The following DCC variants were observed in gnomAD, a reference collection of about 807,000 sequenced individuals.
The protein encoded by DCC is DCC netrin 1 receptor, also known as netrin receptor DCC.
Under a neutral mutation model 172.5 loss-of-function variants are expected in DCC, and 58 were observed. The observed-to-expected ratio is 0.34, with a 90% CI of 0.27 to 0.42. The LOEUF (loss-of-function observed/expected upper bound fraction) is 0.42. Among genes scored for constraint, DCC ranks in the 10% least tolerant of loss-of-function variants. The probability of loss-of-function intolerance (pLI) is 1.00; values close to 1 mark genes in which losing one functional copy is unlikely to be tolerated. For missense variants in DCC, 1,740 were observed against 1,791.0 expected, an observed-to-expected ratio of 0.97 and a Z score of 0.51; for synonymous variants, 709 against 644.5, an observed-to-expected ratio of 1.10 and a Z score of -1.52.
At chr18:52,582,659 A>G (rs1348342136) in intron 1 of DCC, among the ~76,000 whole-genome samples, 1 of 152,166 alleles carries the variant, frequency 6.6e-6, no homozygotes, top group Non-Finnish European at 1.5e-5. Flanking sequence ...TAGATAAAAG[A>G]TGACTAGGGA....
intron 21 of DCC, among the ~76,000 whole-genome samples, chr18:53,431,953 T>C (rs1355396921): frequency 6.6e-6 from 1 of 152,170 alleles, no homozygotes; most frequent in Admixed American, 6.6e-5. Context: ...TGAATTTCCA[T>C]AAATCCATTT....
intron 7 of DCC, among the ~76,000 whole-genome samples, chr18:53,092,749 C>A (rs993774871): frequency 6.6e-6 from 1 of 152,148 alleles, no homozygotes; most frequent in Non-Finnish European, 1.5e-5. Context: ...ACTTGTCCAT[C>A]TACCCTTGCT....
chr18:52,465,266 T>C (rs1415442154), intron 1 of DCC, among the ~76,000 whole-genome samples: 1 of 152,172 alleles, frequency 6.6e-6, no homozygotes, highest in African/African-American at 2.4e-5. Context: ...GGGCAATGTA[T>C]TCTCCAAAAG....
chr18:53,155,295 G>A (rs1288061128), intron 7 of DCC, among the ~76,000 whole-genome samples: 1 of 152,092 alleles, frequency 6.6e-6, no homozygotes, highest in Non-Finnish European at 1.5e-5. Context: ...CAAGAATGAA[G>A]ACTGACTTTG....
At chr18:53,022,964 A>G (rs2041902162) in intron 5 of DCC, among the ~76,000 whole-genome samples, 1 of 152,146 alleles carries the variant, frequency 6.6e-6, no homozygotes, top group Non-Finnish European at 1.5e-5. Context: ...GTAGGCAACG[A>G]AGGGAGTATT....
At chr18:53,279,583 C>CACATGTAT (rs1169111530) in intron 12 of DCC, among the ~76,000 whole-genome samples, 3 of 149,366 alleles carry the variant, frequency 2.0e-5, no homozygotes, top group Non-Finnish European at 4.4e-5. Flanking sequence ...ACCAACATGG[C>CACATGTAT]ACATGTATAC....
chr18:53,132,533 A>G (rs1010567080), intron 7 of DCC, among the ~76,000 whole-genome samples: 1 of 152,146 alleles, frequency 6.6e-6, no homozygotes, highest in East Asian at 1.9e-4. Context: ...CTCTTGTGAC[A>G]AGATTATAAA....
At chr18:53,241,769 G>A (rs1316016080) in intron 12 of DCC, among the ~76,000 whole-genome samples, 2 of 152,152 alleles carry the variant, frequency 1.3e-5, no homozygotes, top group Non-Finnish European at 2.9e-5. Context: ...TGCGCACTAA[G>A]TCTGGTATGG....
At chr18:52,562,321 G>T (rs1307213804) in intron 1 of DCC, among the ~76,000 whole-genome samples, 2 of 152,114 alleles carry the variant, frequency 1.3e-5, no homozygotes, top group Admixed American at 6.6e-5. Context: ...ACGGTCTCTT[G>T]TTAAGGTAAC....
intron 2 of DCC, among the ~76,000 whole-genome samples, chr18:52,779,369 T>A (rs1413093732): frequency 6.6e-6 from 1 of 152,176 alleles, no homozygotes; most frequent in South Asian, 2.1e-4. Flanking sequence ...GTGTACTAAT[T>A]GTTCAACTCC....
chr18:52,922,023 G>A (rs2040134734), intron 3 of DCC, among the ~76,000 whole-genome samples: 1 of 151,886 alleles, frequency 6.6e-6, no homozygotes, highest in South Asian at 2.1e-4. Context: ...AAGCAGTATT[G>A]TCTTTCAAAC....
intron 12 of DCC, among the ~76,000 whole-genome samples, chr18:53,292,711 C>G (rs765188304): frequency 5.3e-5 from 8 of 151,958 alleles, no homozygotes; most frequent in African/African-American, 9.7e-5. Flanking sequence ...AAAAACAAAA[C>G]AAAACAAAAA....
At chr18:53,162,574 G>A (rs2054860244) in intron 8 of DCC, among the ~76,000 whole-genome samples, 2 of 152,060 alleles carry the variant, frequency 1.3e-5, no homozygotes, top group Non-Finnish European at 2.9e-5. Flanking sequence ...TCATCACGTA[G>A]CACTTTCCTT....
intron 2 of DCC, among the ~76,000 whole-genome samples, chr18:52,865,166 A>T (rs1398849174): frequency 3.9e-5 from 6 of 152,156 alleles, no homozygotes; most frequent in African/African-American, 1.2e-4. Context: ...CACCCGCCTG[A>T]ACTCACCCTT....
intron 15 of DCC, among the ~76,000 whole-genome samples, chr18:53,365,540 C>T (rs1169082512): frequency 6.6e-6 from 1 of 151,702 alleles, no homozygotes; most frequent in Non-Finnish European, 1.5e-5. Context: ...TAGTTCATTA[C>T]CAAATTTAAT....
At chr18:53,165,610 A>C (rs1245620898) in intron 8 of DCC, among the ~76,000 whole-genome samples, 2 of 152,264 alleles carry the variant, frequency 1.3e-5, no homozygotes, top group African/African-American at 4.8e-5. Flanking sequence ...CCTGTACCTC[A>C]AAGTGTTTTT....
chr18:52,642,397 CA>C (rs1352811762), intron 1 of DCC, among the ~76,000 whole-genome samples: 3 of 151,828 alleles, frequency 2.0e-5, no homozygotes, highest in Non-Finnish European at 4.4e-5. Flanking sequence ...ATGGGTGTAC[CA>C]AAATCTCACA....
At chr18:53,332,471 C>A (rs1213570915) in intron 14 of DCC, among the ~76,000 whole-genome samples, 1 of 152,070 alleles carries the variant, frequency 6.6e-6, no homozygotes, top group Non-Finnish European at 1.5e-5. Context: ...TGAAATGCTA[C>A]ATGAGCAAAA....
At chr18:53,361,673 C>T (rs2057949151) in intron 15 of DCC, among the ~76,000 whole-genome samples, 1 of 152,096 alleles carries the variant, frequency 6.6e-6, no homozygotes, top group Non-Finnish European at 1.5e-5. Context: ...AGAAACAATA[C>T]CAATTTCAAA....
Sources: allele counts gnomAD v4.1 joint callset (sites outside exome capture counted in the v4.1 genomes callset), GRCh38; gene constraint gnomAD v4.1.1; transcripts MANE v1.5; gene names NCBI Gene and HGNC (gene_info 2026-07-23, HGNC 2026-07-21).